KCNB2: variants seen among roughly 807,000 people sequenced by gnomAD.
KCNB2 encodes the protein delayed rectifier potassium channel protein.
KCNB2 carries 15 observed loss-of-function variants against 61.5 expected under a neutral mutation model. That is an observed-to-expected ratio of 0.24 (90% CI 0.16 to 0.38). The LOEUF is 0.38. KCNB2 is among the 10% of genes least tolerant of loss of function. KCNB2 has a pLI of 1.00. For missense variants in KCNB2, 828 were observed against 1,125.2 expected, an observed-to-expected ratio of 0.74 and a Z score of 3.78; for synonymous variants, 457 against 446.0, an observed-to-expected ratio of 1.02 and a Z score of -0.31.
chr8:72,837,915 T>C (rs1809808683), intron 2 of KCNB2, among the ~76,000 whole-genome samples: 1 of 152,202 alleles, frequency 6.6e-6, no homozygotes, highest in African/African-American at 2.4e-5. Flanking sequence ...CCTGCATGCA[T>C]ATTTAAACAA....
intron 2 of KCNB2, among the ~76,000 whole-genome samples, chr8:72,711,050 G>A (rs1807317685): frequency 6.6e-6 from 1 of 152,248 alleles, no homozygotes; most frequent in Admixed American, 6.5e-5. Flanking sequence ...CAATGATGCT[G>A]AGCAGAGGGG....
chr8:72,808,184 T>C (rs753708157), intron 2 of KCNB2, among the ~76,000 whole-genome samples: 2 of 152,218 alleles, frequency 1.3e-5, no homozygotes, highest in Non-Finnish European at 2.9e-5. Flanking sequence ...TTTTCTAATA[T>C]GAGCTCCAAT....
intron 2 of KCNB2, among the ~76,000 whole-genome samples, chr8:72,825,390 CA>C (rs1052195471): frequency 1.4e-4 from 21 of 152,208 alleles, no homozygotes; most frequent in African/African-American, 3.1e-4. Context: ...TCCCTGTTTT[CA>C]GTTCTTTTGG....
intron 2 of KCNB2, among the ~76,000 whole-genome samples, chr8:72,580,475 T>C (rs1806873209): frequency 6.6e-6 from 1 of 152,212 alleles, no homozygotes; most frequent in Admixed American, 6.5e-5. Flanking sequence ...CTTCTTGATA[T>C]TCACTGAAGG....
intron 2 of KCNB2, among the ~76,000 whole-genome samples, chr8:72,630,381 C>A (rs1211084345): frequency 6.6e-6 from 1 of 152,140 alleles, no homozygotes; most frequent in Non-Finnish European, 1.5e-5. Context: ...GAATTTTTGT[C>A]TCTTTTTTCT....
At chr8:72,681,867 G>T (rs1026000368) in intron 2 of KCNB2, among the ~76,000 whole-genome samples, 2 of 152,096 alleles carry the variant, frequency 1.3e-5, no homozygotes, top group Non-Finnish European at 2.9e-5. Flanking sequence ...CATCTATGTG[G>T]TTCATCAAGG....
chr8:72,699,811 G>A (rs541311845), intron 2 of KCNB2, among the ~76,000 whole-genome samples: 3 of 152,168 alleles, frequency 2.0e-5, no homozygotes, highest in South Asian at 2.1e-4. Context: ...CCTAGAACCC[G>A]AAATACCATT....
chr8:72,781,450 A>C (rs1476271784), intron 2 of KCNB2, among the ~76,000 whole-genome samples: 3 of 152,212 alleles, frequency 2.0e-5, no homozygotes, highest in Non-Finnish European at 2.9e-5. Context: ...CAGTTCTCCC[A>C]GCACCATTTA....
intron 2 of KCNB2, among the ~76,000 whole-genome samples, chr8:72,645,246 G>A (rs911353863): frequency 8.6e-5 from 13 of 151,936 alleles, no homozygotes; most frequent in African/African-American, 2.9e-4. Context: ...ATCCCCAGGA[G>A]ATGGCATTTT....
chr8:72,696,445 A>G (rs922616039), intron 2 of KCNB2, among the ~76,000 whole-genome samples: 2 of 152,132 alleles, frequency 1.3e-5, no homozygotes, highest in Non-Finnish European at 2.9e-5. Flanking sequence ...TATAACTCCC[A>G]TTATGTATAT....
chr8:72,579,336 A>C (rs1369480055), intron 2 of KCNB2, among the ~76,000 whole-genome samples: 2 of 152,170 alleles, frequency 1.3e-5, no homozygotes, highest in Non-Finnish European at 2.9e-5. Context: ...ATGTCTACTT[A>C]AATTTTCACA....
At chr8:72,659,431 TGAC>T (rs1375952104) in intron 2 of KCNB2, among the ~76,000 whole-genome samples, 4 of 152,220 alleles carry the variant, frequency 2.6e-5, no homozygotes, top group Non-Finnish European at 5.9e-5. Context: ...ATTGTTGAAA[TGAC>T]AACAAAGAAT....
chr8:72,755,041 C>T (rs1579704), intron 2 of KCNB2, among the ~76,000 whole-genome samples: 102,984 of 152,074 alleles, frequency 0.68, 35,464 homozygotes, highest in African/African-American at 0.8. Flanking sequence ...ATGATGGGAA[C>T]GGCATTTTTC....
rs555395243 is a variant in KCNB2, at chr8:72,714,759, G to A, written c.579+146446G>A. Among the ~76,000 whole-genome samples the A allele has an allele frequency of 6.0e-3, 909 of 152,246 alleles. 5 individuals are homozygous for A. The highest frequency in any genetic ancestry group is 0.029 in the South Asian group (138 of 4,816). On this transcript the variant is annotated intron_variant, in intron 2 of 2. Transcript: ENST00000523207. The stretch of plus-strand genomic sequence containing the variant: ...AGGAAGAAACTGCATCAACTAACAA[G>A]CAAAATAACCAGCTAACATCATAAT...
At chr8:72,735,713 A>G (rs79477560) in intron 2 of KCNB2, among the ~76,000 whole-genome samples, 1,918 of 152,322 alleles carry the variant, frequency 0.013, 31 homozygotes, top group Middle Eastern at 0.044. Flanking sequence ...TTTTGGGAGC[A>G]GTAGGGCACA....
chr8:72,923,351 A>G (rs910371079), intron 2 of KCNB2, among the ~76,000 whole-genome samples: 1 of 152,180 alleles, frequency 6.6e-6, no homozygotes, highest in Non-Finnish European at 1.5e-5. Context: ...ACGGTTTTGT[A>G]GGGCCATTTC....
At chr8:72,718,359 G>A (rs1474870082) in intron 2 of KCNB2, among the ~76,000 whole-genome samples, 2 of 152,116 alleles carry the variant, frequency 1.3e-5, no homozygotes, top group Non-Finnish European at 2.9e-5. Flanking sequence ...AAAGACACAT[G>A]CACACGTATG....
intron 2 of KCNB2, among the ~76,000 whole-genome samples, chr8:72,586,358 C>T (rs937531477): frequency 1.3e-5 from 2 of 152,056 alleles, no homozygotes; most frequent in African/African-American, 4.8e-5. Context: ...CTATTGTATA[C>T]AAAAGCCCTA....
chr8:72,858,626 C>T (rs990659393), intron 2 of KCNB2, among the ~76,000 whole-genome samples: 3 of 152,218 alleles, frequency 2.0e-5, no homozygotes, highest in Non-Finnish European at 4.4e-5. Context: ...ACGCTGTAGT[C>T]ATGACCCTCT....
Sources: allele counts gnomAD v4.1 joint callset (sites outside exome capture counted in the v4.1 genomes callset), GRCh38; gene constraint gnomAD v4.1.1; transcripts MANE v1.5; gene names NCBI Gene and HGNC (gene_info 2026-07-23, HGNC 2026-07-21).